Variants in MAST2 observed in about 807,000 individuals in gnomAD.
The protein encoded by MAST2 is microtubule-associated serine/threonine-protein kinase 2.
Under a neutral mutation model 147.4 loss-of-function variants are expected in MAST2, and 70 were observed. That is an observed-to-expected ratio of 0.47 (90% CI 0.39 to 0.58). The LOEUF (loss-of-function observed/expected upper bound fraction) is 0.58. Among genes scored for constraint, MAST2 ranks in the 20% least tolerant of loss-of-function variants. The pLI is 0.00. For synonymous variants in MAST2, 869 were observed against 896.8 expected, an observed-to-expected ratio of 0.97 and a Z score of 0.55; for missense variants, 2,080 against 2,302.3, an observed-to-expected ratio of 0.90 and a Z score of 1.98.
chr1:46,025,395 C>T (rs1019315426), intron 15 of MAST2, among the ~76,000 whole-genome samples: 14 of 152,280 alleles, frequency 9.2e-5, no homozygotes, highest in African/African-American at 2.9e-4. Flanking sequence ...ATGGGAAAGA[C>T]CCACTTCCAT....
At chr1:45,836,886 C>T (rs1645118346) in intron 3 of MAST2, among the ~76,000 whole-genome samples, 1 of 152,244 alleles carries the variant, frequency 6.6e-6, no homozygotes, top group Non-Finnish European at 1.5e-5. Context: ...AGTTTTTCCA[C>T]AGATGGGTGG....
intron 3 of MAST2, among the ~76,000 whole-genome samples, chr1:45,879,163 T>C (rs1028213810): frequency 2.6e-5 from 4 of 151,888 alleles, no homozygotes; most frequent in African/African-American, 7.3e-5. Flanking sequence ...AAAAAATTGT[T>C]AGGGAAAGGA....
At chr1:45,862,487 A>ATTTTTTTTTTTTTTTTTTTT (rs67344347) in intron 3 of MAST2, among the ~76,000 whole-genome samples, 1 of 136,236 alleles carries the variant, frequency 7.3e-6, no homozygotes, top group African/African-American at 2.8e-5. Context: ...AGGACTGAAG[A>ATTTTTTTTTTTTTTTTTTTT]TTTTTTTTTT....
chr1:45,820,120 C>T (rs879042375), intron 1 of MAST2, among the ~76,000 whole-genome samples: 5 of 152,052 alleles, frequency 3.3e-5, no homozygotes, highest in South Asian at 2.1e-4. Context: ...AAATGGTTCT[C>T]GGAAAACTGG....
At chr1:46,006,026 G>A (rs1196887266) in intron 7 of MAST2, among the ~76,000 whole-genome samples, 1 of 152,166 alleles carries the variant, frequency 6.6e-6, no homozygotes, top group African/African-American at 2.4e-5. Flanking sequence ...AACCCTTGAA[G>A]GACTCCAGTA....
At chr1:45,992,219 C>G (rs2149122729) in intron 5 of MAST2, among the ~76,000 whole-genome samples, 1 of 152,170 alleles carries the variant, frequency 6.6e-6, no homozygotes, top group East Asian at 1.9e-4. Context: ...CTCCTGTATT[C>G]CTAGTTTGCT....
chr1:45,971,878 TA>T (rs1643925943), intron 5 of MAST2, among the ~76,000 whole-genome samples: 1 of 152,186 alleles, frequency 6.6e-6, no homozygotes. Context: ...ATAAACTGTA[TA>T]AATTTTTAGG....
At chr1:45,820,891 C>CTTTTTT (rs1644603466) in intron 1 of MAST2, among the ~76,000 whole-genome samples, 1 of 68,154 alleles carries the variant, frequency 1.5e-5, no homozygotes, top group Non-Finnish European at 3.0e-5. Flanking sequence ...CTCTTTCTTT[C>CTTTTTT]TCTTTTTTTT....
Position 45,964,879 on chromosome 1 carries a change from T to C in MAST2, c.592+5402T>C, listed in dbSNP as rs550466141. Reference sequence around the variant, plus strand: ...TTAGTGCTATAAATTTCCCTCTACGTACTGCTTTAAATATGTCCCAGAGAT... The same window carrying C: ...TTAGTGCTATAAATTTCCCTCTACGCACTGCTTTAAATATGTCCCAGAGAT... On this transcript the variant is annotated intron_variant, in intron 5 of 28. Transcript: ENST00000361297. Among the ~76,000 whole-genome samples the C allele has an allele frequency of 1.9e-3, 286 of 152,270 alleles. 1 individual carries two copies. The highest frequency in any genetic ancestry group is 6.1e-3 in the African/African-American group (253 of 41,570).
At chr1:45,861,203 G>A (rs932187469) in intron 3 of MAST2, among the ~76,000 whole-genome samples, 59 of 151,912 alleles carry the variant, frequency 3.9e-4, no homozygotes. Context: ...GTCATAAATT[G>A]TTTGCCCCAT....
intron 5 of MAST2, among the ~76,000 whole-genome samples, chr1:45,986,129 T>TG (rs1253823475): frequency 2.6e-5 from 4 of 152,234 alleles, no homozygotes; most frequent in Non-Finnish European, 5.9e-5. Flanking sequence ...TTAGAGCATT[T>TG]TGTCTTTACT....
intron 4 of MAST2, among the ~76,000 whole-genome samples, chr1:45,946,249 A>T (rs1658008827): frequency 6.6e-6 from 1 of 152,122 alleles, no homozygotes; most frequent in African/African-American, 2.4e-5. Context: ...GTCAACTGCA[A>T]ATAATCAAAG....
intron 4 of MAST2, among the ~76,000 whole-genome samples, chr1:45,895,902 AATT>A (rs1168870948): frequency 7.2e-5 from 11 of 152,230 alleles, no homozygotes; most frequent in African/African-American, 2.7e-4. Context: ...CAAATTCATA[AATT>A]ATTAAAATAT....
At chr1:45,939,525 A>G (rs1209958365) in intron 4 of MAST2, among the ~76,000 whole-genome samples, 1 of 84,302 alleles carries the variant, frequency 1.2e-5, no homozygotes, top group Non-Finnish European at 2.4e-5. Flanking sequence ...ATGAGGATCA[A>G]TTTTTCAATT....
chr1:45,809,303 A>G (rs1382659017), intron 1 of MAST2, among the ~76,000 whole-genome samples: 2 of 152,176 alleles, frequency 1.3e-5, no homozygotes, highest in East Asian at 1.9e-4. Flanking sequence ...CTGCTTCCGC[A>G]TATTAAAATT....
rs781026729 is a variant in MAST2, at chr1:46,033,835, C to T, written c.3571C>T (p.Leu1191=). 5 of 1,614,186 alleles carry T rather than the reference C, an allele frequency of 3.1e-6. No individual in the cohort carries two copies. The Admixed American group carries it at 8.3e-5, about 27-fold the overall frequency. Residue 1191 remains leucine (L), a synonymous_variant, in exon 27 of 29, where the codon CTG becomes TTG. Coordinates refer to ENST00000361297, the MANE Select transcript of MAST2 (RefSeq NM_015112.3). ...CAAGGTGGCCATTTCAACAACTCCC[C>T]TGGAGAACACATCCATTAAAGTGGG... ...GNKVAISTTP[L]ENTSIKVGPA...
chr1:45,929,538 C>CT (rs535893651), intron 4 of MAST2, among the ~76,000 whole-genome samples: 2 of 152,178 alleles, frequency 1.3e-5, no homozygotes, highest in Non-Finnish European at 2.9e-5. Flanking sequence ...CTCTGGGACT[C>CT]TGAGAGGTGA....
chr1:46,028,955 C>T lies in MAST2; in HGVS notation c.2218+22C>T, dbSNP rs185347733. On this transcript the variant is annotated intron_variant, in intron 18 of 28. Coordinates refer to ENST00000361297, the MANE Select transcript of MAST2 (RefSeq NM_015112.3). ...AGTGGTAGGTACTATGCCCCTGGCC[C>T]AGTGGGGAAACAGAGTCTGAATCCA... The T allele has an allele frequency of 1.5e-3, 2,345 of 1,534,278 alleles. 51 individuals carry two copies. In the Admixed American group the frequency reaches 0.046, roughly 30 times the overall value.
intron 4 of MAST2, among the ~76,000 whole-genome samples, chr1:45,894,709 A>G (rs1648443894): frequency 6.6e-6 from 1 of 152,222 alleles, no homozygotes; most frequent in South Asian, 2.1e-4. Flanking sequence ...CAAAATTCAC[A>G]TTCCGAGTTG....
Sources: allele counts gnomAD v4.1 joint callset (sites outside exome capture counted in the v4.1 genomes callset), GRCh38; gene constraint gnomAD v4.1.1; transcripts MANE v1.5; gene names NCBI Gene and HGNC (gene_info 2026-07-23, HGNC 2026-07-21).